The following STRN variants were observed in gnomAD, a reference collection of about 807,000 sequenced individuals.
STRN encodes the protein striatin, also known as protein phosphatase 2 regulatory subunit B'''alpha.
Under a neutral mutation model 96.3 loss-of-function variants are expected in STRN, and 53 were observed. The observed-to-expected ratio is 0.55, with a 90% CI of 0.44 to 0.69. The LOEUF is 0.69. Among genes scored for constraint, STRN ranks in the 30% least tolerant of loss-of-function variants. STRN has a pLI of 0.00. For missense variants in STRN, 987 were observed against 963.9 expected, an observed-to-expected ratio of 1.02 and a Z score of -0.32; for synonymous variants, 428 against 355.9, an observed-to-expected ratio of 1.20 and a Z score of -2.28.
intron 15 of STRN, among the ~76,000 whole-genome samples, chr2:36,853,770 GAACAA>G (rs1436720969): frequency 6.6e-6 from 1 of 151,968 alleles, no homozygotes; most frequent in East Asian, 1.9e-4. Context: ...TTCCAAAACA[GAACAA>G]CACAATCAAT....
rs1297896440 is a variant in STRN at position 36,843,564 on chromosome 2, G to A, written c.*5892C>T. ...AGCTATTTTAATTTGGCTTTTCAGA[G>A]GCCCAAATTCTCTATAAACTTCTCC... is the stretch of plus-strand genomic sequence containing the variant. On this transcript the variant is annotated 3_prime_UTR_variant, in exon 18 of 18. Transcript: ENST00000263918. The A allele has an allele frequency of 6.6e-6, 1 of 151,990 alleles. No homozygotes were observed. The highest frequency in any genetic ancestry group is 2.4e-5 in the African/African-American group (1 of 41,380). 9.4% of individuals were successfully genotyped at this position (151,990 alleles called of 1,614,324 possible). A position where few individuals can be genotyped will look rare whatever the true frequency, so the allele number is the denominator to read the frequency against.
At position 36,966,530 on chromosome 2, in the gene STRN, G is replaced by C; in HGVS notation, c.-67C>G. On this transcript the variant is annotated 5_prime_UTR_variant, in exon 1 of 18. Transcript: ENST00000263918. ...GCGGAGGCAACAGCGGCGGCAAGCAGCGCCTCCTCCTCCCTCCGCCGCTCC... is the reference window on the plus strand; with the variant it reads ...GCGGAGGCAACAGCGGCGGCAAGCACCGCCTCCTCCTCCCTCCGCCGCTCC... 1 of 1,355,268 alleles carries C rather than the reference G, an allele frequency of 7.4e-7. No homozygotes were observed. The highest frequency in any genetic ancestry group is 9.5e-7 in the Non-Finnish European group (1 of 1,058,172). 84.0% of individuals were successfully genotyped at this position (1,355,268 alleles called of 1,614,324 possible).
chr2:36,912,862 T>A (rs1264391699), intron 3 of STRN, among the ~76,000 whole-genome samples: 1 of 152,212 alleles, frequency 6.6e-6, no homozygotes, highest in African/African-American at 2.4e-5. Context: ...TTGTTTAAAT[T>A]ACAAATGTGG....
rs750463804 is a variant in STRN at position 36,867,807 on chromosome 2, T to C, written c.1547+7A>G. On this transcript the variant is annotated splice_region_variant and intron_variant, in intron 12 of 17. Transcript: ENST00000263918. ...CGGTTTAAAATAAAGAAAAAACATA[T>C]ACTTACTTATGGGCTCTGAATGTAT... The C allele has an allele frequency of 7.7e-6, 12 of 1,550,810 alleles. No individual in the cohort carries two copies. Among genetic ancestry groups the C allele is most frequent in the East Asian group, 4.7e-5 (2 of 42,566 alleles).
chr2:36,965,456 A>T (rs1389892812), intron 1 of STRN, among the ~76,000 whole-genome samples: 1 of 152,342 alleles, frequency 6.6e-6, no homozygotes, highest in East Asian at 1.9e-4. Flanking sequence ...AACTAACTTC[A>T]AAGTCCCTTT....
intron 6 of STRN, among the ~76,000 whole-genome samples, chr2:36,898,279 A>G (rs186870130): frequency 6.6e-6 from 1 of 152,352 alleles, no homozygotes; most frequent in African/African-American, 2.4e-5. Context: ...CAATTTCCAG[A>G]TGATCAGGAC....
intron 1 of STRN, among the ~76,000 whole-genome samples, chr2:36,958,542 G>A (rs996124171): frequency 6.6e-6 from 1 of 152,152 alleles, no homozygotes; most frequent in Non-Finnish European, 1.5e-5. Flanking sequence ...TAACAAATCA[G>A]ACTCAACTGA....
chr2:36,904,454 T>A (rs896564388), intron 4 of STRN, among the ~76,000 whole-genome samples: 7 of 152,080 alleles, frequency 4.6e-5, no homozygotes, highest in African/African-American at 1.4e-4. Flanking sequence ...AGCTGGTGAG[T>A]CTAGTCTACC....
At chr2:36,851,723 G>C (rs749849922) in intron 15 of STRN, among the ~76,000 whole-genome samples, 2 of 152,150 alleles carry the variant, frequency 1.3e-5, no homozygotes, top group African/African-American at 2.4e-5. Context: ...GCTACTTTAA[G>C]TAAGTTCTAT....
At chr2:36,924,984 A>C in intron 2 of STRN, 121 bp downstream of exon 2, 1 of 747,804 alleles carries the variant, frequency 1.3e-6, no homozygotes, top group Non-Finnish European at 2.2e-6. Flanking sequence ...TGAAACCGGG[A>C]GGCGGAGGTC....
At chr2:36,941,309 G>A (rs763501004) in intron 1 of STRN, among the ~76,000 whole-genome samples, 1 of 152,194 alleles carries the variant, frequency 6.6e-6, no homozygotes, top group Non-Finnish European at 1.5e-5. Flanking sequence ...ATAAAGCTAT[G>A]TGCAGACTCT....
chr2:36,896,156 A>G (rs113058871), intron 6 of STRN, among the ~76,000 whole-genome samples: 1,612 of 152,298 alleles, frequency 0.011, 41 homozygotes, highest in African/African-American at 0.037. Context: ...GGCAAAATCC[A>G]TAAGAAGCAT....
intron 1 of STRN, among the ~76,000 whole-genome samples, chr2:36,944,185 T>C (rs1272985348): frequency 6.6e-6 from 1 of 152,090 alleles, no homozygotes; most frequent in Non-Finnish European, 1.5e-5. Flanking sequence ...CAGTTGAAAA[T>C]ACAGATGTTA....
intron 1 of STRN, among the ~76,000 whole-genome samples, chr2:36,959,231 G>A (rs1664970046): frequency 1.3e-5 from 2 of 152,116 alleles, no homozygotes; most frequent in African/African-American, 2.4e-5. Flanking sequence ...GTAAAACACA[G>A]TAAAATCTTT....
chr2:36,886,673 G>C, intron 8 of STRN, 43 bp downstream of exon 8: 1 of 1,465,772 alleles, frequency 6.8e-7, no homozygotes, highest in Non-Finnish European at 9.2e-7. Context: ...GGGATGTAAA[G>C]AGGCAAGATT....
intron 8 of STRN, among the ~76,000 whole-genome samples, chr2:36,885,924 A>C (rs962973255): frequency 6.6e-6 from 1 of 152,146 alleles, no homozygotes; most frequent in African/African-American, 2.4e-5. Flanking sequence ...ACAAGGAGGT[A>C]ATTTAGCCTT....
At chr2:36,873,439 AG>A (rs1465338443) in intron 10 of STRN, among the ~76,000 whole-genome samples, 2 of 152,202 alleles carry the variant, frequency 1.3e-5, no homozygotes, top group Non-Finnish European at 2.9e-5. Context: ...GAACATCTGT[AG>A]TCCCAGGTAC....
intron 10 of STRN, among the ~76,000 whole-genome samples, chr2:36,877,625 T>A (rs1367968921): frequency 1.3e-5 from 2 of 152,180 alleles, no homozygotes; most frequent in Non-Finnish European, 2.9e-5. Flanking sequence ...AACCTCTGCC[T>A]TCCGGGCTCA....
At chr2:36,889,484 T>C (rs1669330001) in intron 7 of STRN, among the ~76,000 whole-genome samples, 1 of 152,120 alleles carries the variant, frequency 6.6e-6, no homozygotes, top group South Asian at 2.1e-4. Flanking sequence ...CTTCAGGTTT[T>C]TGAAGTTAAA....
Sources: gnomAD v4.1 joint callset for allele counts (sites outside exome capture counted in the v4.1 genomes callset) on GRCh38, gnomAD v4.1.1 for gene constraint, MANE v1.5 for transcripts, NCBI Gene and HGNC (gene_info 2026-07-23, HGNC 2026-07-21) for gene names.